The following NBAS variants were observed in gnomAD, a reference collection of about 807,000 sequenced individuals.
The protein encoded by NBAS is NBAS subunit of NRZ tethering complex.
A neutral mutation model predicts 302.5 loss-of-function variants in NBAS; 219 were observed. The ratio of observed to expected loss-of-function variants is 0.72; its 90% confidence interval spans 0.65 to 0.81. The LOEUF (loss-of-function observed/expected upper bound fraction) is 0.81, where lower values mean the gene tolerates loss of function less well. NBAS is among the 30% of genes least tolerant of loss of function. The probability of loss-of-function intolerance (pLI) is 0.00; values close to 1 mark genes in which losing one functional copy is unlikely to be tolerated. For missense variants in NBAS, 2,932 were observed against 2,841.6 expected, an observed-to-expected ratio of 1.03 and a Z score of -0.72; for synonymous variants, 1,118 against 1,021.6, an observed-to-expected ratio of 1.09 and a Z score of -1.80.
At chr2:15,442,879 A>G (rs1439430191) in intron 21 of NBAS, among the ~76,000 whole-genome samples, 3 of 152,120 alleles carry the variant, frequency 2.0e-5, no homozygotes, top group Non-Finnish European at 4.4e-5. Context: ...AAACACCTCT[A>G]TGCAAATAAA....
At chr2:15,355,763 C>T (rs957896284) in intron 33 of NBAS, among the ~76,000 whole-genome samples, 1 of 152,140 alleles carries the variant, frequency 6.6e-6, no homozygotes, top group African/African-American at 2.4e-5. Flanking sequence ...CTGCCTTCTG[C>T]TGTGAGTGAA....
chr2:15,128,994 G>A, the NBAS span, among the ~76,000 whole-genome samples: 1 of 152,214 alleles, frequency 6.6e-6, no homozygotes, highest in Non-Finnish European at 1.5e-5. Context: ...GGAGCCGCTG[G>A]TTTGAGCAGG....
the NBAS span, among the ~76,000 whole-genome samples, chr2:14,949,596 G>A: frequency 6.6e-6 from 1 of 152,054 alleles, no homozygotes; most frequent in Non-Finnish European, 1.5e-5. Context: ...GTCAAAATAT[G>A]GAATCAACCT....
At chr2:15,019,070 T>C in the NBAS span, among the ~76,000 whole-genome samples, 1 of 152,176 alleles carries the variant, frequency 6.6e-6, no homozygotes, top group Non-Finnish European at 1.5e-5. Context: ...TTTAATGAAA[T>C]GGTAATGATT....
chr2:14,964,420 G>A, the NBAS span, among the ~76,000 whole-genome samples: 3 of 152,086 alleles, frequency 2.0e-5, no homozygotes, highest in African/African-American at 4.8e-5. Context: ...GAAGAAACTG[G>A]AATGGCATAG....
chr2:15,094,465 T>C, the NBAS span, among the ~76,000 whole-genome samples: 119 of 152,308 alleles, frequency 7.8e-4, no homozygotes, highest in African/African-American at 2.7e-3. Flanking sequence ...TTTCAAATCA[T>C]CTAAATTAGA....
chr2:15,498,598 T>C (rs2148626670), intron 11 of NBAS, among the ~76,000 whole-genome samples: 1 of 152,232 alleles, frequency 6.6e-6, no homozygotes, highest in East Asian at 1.9e-4. Context: ...ATGGTTTGGA[T>C]CTGCGTCCCC....
chr2:14,945,034 A>C, the NBAS span, among the ~76,000 whole-genome samples: 1 of 152,200 alleles, frequency 6.6e-6, no homozygotes, highest in Non-Finnish European at 1.5e-5. Flanking sequence ...CCATCCCTGG[A>C]AACTCTACTG....
the NBAS span, among the ~76,000 whole-genome samples, chr2:15,035,012 T>C: frequency 6.6e-6 from 1 of 152,200 alleles, no homozygotes; most frequent in Non-Finnish European, 1.5e-5. Flanking sequence ...TCAGTATGTA[T>C]AGACTTCATT....
the NBAS span, among the ~76,000 whole-genome samples, chr2:15,158,631 C>T: frequency 6.6e-6 from 1 of 152,218 alleles, no homozygotes; most frequent in Admixed American, 6.5e-5. Flanking sequence ...AAGAGCCTTC[C>T]TCCCTCAGGG....
rs546574435 is a variant in NBAS at position 15,190,674 on chromosome 2, G to C, written c.6433-271C>G. Among the ~76,000 whole-genome samples the C allele has an allele frequency of 2.0e-3, 300 of 152,144 alleles. 1 individual carries two copies. The highest frequency in any genetic ancestry group is 6.8e-3 in the African/African-American group (283 of 41,520). On this transcript the variant is annotated intron_variant, in intron 48 of 51. Transcript: ENST00000281513. Reference sequence around the variant, plus strand: ...CAGACTTCCACAGAACTGGCTTGTTGGCATTTAATACACGTTAAGAGACTG... The same window carrying C: ...CAGACTTCCACAGAACTGGCTTGTTCGCATTTAATACACGTTAAGAGACTG...
chr2:15,496,803 T>C (rs546147141), intron 11 of NBAS, among the ~76,000 whole-genome samples: 8 of 152,324 alleles, frequency 5.3e-5, no homozygotes, highest in East Asian at 3.9e-4. Flanking sequence ...TCTAGCTTCA[T>C]GGAGCCATGA....
chr2:15,103,375 C>T, the NBAS span, among the ~76,000 whole-genome samples: 3 of 152,146 alleles, frequency 2.0e-5, no homozygotes, highest in African/African-American at 7.2e-5. Flanking sequence ...AGGCTCCCTT[C>T]CCAGACCTAC....
At chr2:15,343,983 C>G (rs1263560207) in intron 35 of NBAS, among the ~76,000 whole-genome samples, 2 of 133,936 alleles carry the variant, frequency 1.5e-5, no homozygotes, top group African/African-American at 5.6e-5. Flanking sequence ...AAAAAAAACA[C>G]TTGACTGCAA....
At chr2:14,856,015 G>A in the NBAS span, among the ~76,000 whole-genome samples, 46 of 152,256 alleles carry the variant, frequency 3.0e-4, no homozygotes, top group Admixed American at 1.4e-3. Context: ...CCATAGTTGC[G>A]GTGGCCATAG....
At chr2:15,495,618 G>C (rs1172586802) in intron 11 of NBAS, among the ~76,000 whole-genome samples, 29 of 152,068 alleles carry the variant, frequency 1.9e-4, no homozygotes, top group Admixed American at 1.9e-3. Flanking sequence ...CAGAATAATG[G>C]CTGCTTGTGG....
chr2:14,958,500 A>G, the NBAS span, among the ~76,000 whole-genome samples: 1 of 152,214 alleles, frequency 6.6e-6, no homozygotes, highest in Non-Finnish European at 1.5e-5. Context: ...CCAACTGGCA[A>G]CAATGGAGCA....
Position 15,424,484 on chromosome 2 carries a change from G to A in NBAS, c.2424-16C>T. The A allele has an allele frequency of 6.2e-7, 1 of 1,613,730 alleles. No individual in the cohort carries two copies. Among genetic ancestry groups the A allele is most frequent in the South Asian group, 1.1e-5 (1 of 91,078 alleles). On this transcript the variant is annotated splice_polypyrimidine_tract_variant and intron_variant, in intron 22 of 51. Coordinates refer to ENST00000281513, the MANE Select transcript of NBAS (RefSeq NM_015909.4). ...AACAACCATTCTGTGAAGCACAAAA[G>A]GACCAATTAATAACTGACTAGAATG...
chr2:15,096,278 C>G, the NBAS span, among the ~76,000 whole-genome samples: 1 of 152,142 alleles, frequency 6.6e-6, no homozygotes, highest in Non-Finnish European at 1.5e-5. Context: ...ATATTGCTCC[C>G]CCATTTACCA....
Sources: allele counts gnomAD v4.1 joint callset (sites outside exome capture counted in the v4.1 genomes callset), GRCh38; gene constraint gnomAD v4.1.1; transcripts MANE v1.5; gene names NCBI Gene and HGNC (gene_info 2026-07-23, HGNC 2026-07-21).